ALMS1: variants seen among roughly 807,000 people sequenced by gnomAD.
ALMS1 encodes centrosome-associated protein ALMS1.
A neutral mutation model predicts 352.2 loss-of-function variants in ALMS1; 271 were observed. The observed-to-expected ratio is 0.77, with a 90% CI of 0.70 to 0.85. The LOEUF is 0.85. Among genes scored for constraint, ALMS1 ranks in the 40% least tolerant of loss-of-function variants. The pLI, the probability that ALMS1 is intolerant of heterozygous loss-of-function variation, is 0.00. For synonymous variants in ALMS1, 1,865 were observed against 1,761.2 expected, an observed-to-expected ratio of 1.06 and a Z score of -1.48; for missense variants, 5,445 against 4,870.7, an observed-to-expected ratio of 1.12 and a Z score of -3.51.
At chr2:73,545,766 C>T (rs538534952) in intron 12 of ALMS1, among the ~76,000 whole-genome samples, 1 of 152,242 alleles carries the variant, frequency 6.6e-6, no homozygotes, top group Non-Finnish European at 1.5e-5. Flanking sequence ...AATAAATATA[C>T]TTAACAAAAG....
At chr2:73,575,644 T>A (rs780738319) in intron 16 of ALMS1, among the ~76,000 whole-genome samples, 2 of 152,216 alleles carry the variant, frequency 1.3e-5, no homozygotes, top group Admixed American at 6.5e-5. Flanking sequence ...TCTTTTCAAG[T>A]CATTTGGCCA....
chr2:73,463,219 C>A (rs1047389017), intron 9 of ALMS1, among the ~76,000 whole-genome samples: 6 of 150,906 alleles, frequency 4.0e-5, no homozygotes, highest in Admixed American at 2.6e-4. Context: ...AAAGCACTCT[C>A]AGCAAATAGA....
Position 73,539,129 on chromosome 2 carries a change from C to T in ALMS1, c.9907+4180C>T, listed in dbSNP as rs181186475. ...CCCTGAGTAGCCTAACTGGGAGGCACCCCCCAGGAGGGGCAGACTGACACT... is the reference window on the plus strand; with the variant it reads ...CCCTGAGTAGCCTAACTGGGAGGCATCCCCCAGGAGGGGCAGACTGACACT... On this transcript the variant is annotated intron_variant, in intron 12 of 22. Transcript: ENST00000613296. 4.7e-4 allele frequency among the ~76,000 whole-genome samples: 71 copies of T among 152,246 alleles called. No homozygotes were observed. In the East Asian group the frequency reaches 6.0e-3, roughly 13 times the overall value.
At chr2:73,572,039 C>CA (rs1674939961) in intron 15 of ALMS1, among the ~76,000 whole-genome samples, 3 of 152,172 alleles carry the variant, frequency 2.0e-5, no homozygotes, top group South Asian at 4.1e-4. Flanking sequence ...CGGTCAGTGG[C>CA]AGAGCCCAGG....
chr2:73,432,791 C>A lies in ALMS1; in HGVS notation c.1432+500C>A, dbSNP rs544063786. On this transcript the variant is annotated intron_variant, in intron 7 of 22. Coordinates refer to ENST00000613296, the MANE Select transcript of ALMS1 (RefSeq NM_001378454.1). ...GGGGACACAAACATTCAGACCATCACAAGTCCCCTGATGTTTTATTAGAGG... is the reference window on the plus strand; with the variant it reads ...GGGGACACAAACATTCAGACCATCAAAAGTCCCCTGATGTTTTATTAGAGG... Among the ~76,000 whole-genome samples the A allele has an allele frequency of 2.6e-5, 4 of 152,296 alleles. No homozygotes were observed. The East Asian group carries it at 5.8e-4, about 22-fold the overall frequency.
rs541439828 is a variant in ALMS1, at chr2:73,479,954, A to G, written c.7675-9680A>G. Among the ~76,000 whole-genome samples, 6 of 151,854 alleles carry G rather than the reference A, an allele frequency of 4.0e-5. No individual in the cohort carries two copies. In the South Asian group the frequency reaches 1.2e-3, roughly 31 times the overall value. ...GTATCTTATTAAGTTTTTAATGTGT[A>G]TTTCCCTAATGGTTTTTGATGTTGC... On this transcript the variant is annotated intron_variant, in intron 9 of 22. Transcript: ENST00000613296.
intron 12 of ALMS1, among the ~76,000 whole-genome samples, chr2:73,540,715 G>T (rs184747681): frequency 1.8e-4 from 27 of 152,056 alleles, no homozygotes; most frequent in Admixed American, 1.5e-3. Flanking sequence ...AAAGGCAGGG[G>T]TTGCAATCCT....
intron 12 of ALMS1, among the ~76,000 whole-genome samples, chr2:73,544,825 T>G (rs911210199): frequency 6.6e-6 from 1 of 152,178 alleles, no homozygotes; most frequent in Non-Finnish European, 1.5e-5. Flanking sequence ...GATCTATGAA[T>G]GGATAACAAA....
At chr2:73,567,277 A>G (rs10198549) in intron 15 of ALMS1, among the ~76,000 whole-genome samples, 46,293 of 152,062 alleles carry the variant, frequency 0.3, 8,607 homozygotes, top group African/African-American at 0.53. Flanking sequence ...ACTCAAGTGC[A>G]ATCAGAAGTG....
intron 11 of ALMS1, among the ~76,000 whole-genome samples, chr2:73,527,346 T>C (rs369747933): frequency 3.4e-4 from 51 of 152,220 alleles, no homozygotes; most frequent in Non-Finnish European, 5.7e-4. Flanking sequence ...GTAGGATTAG[T>C]ATTAGTTCTT....
At chr2:73,463,825 C>G (rs1316605450) in intron 9 of ALMS1, among the ~76,000 whole-genome samples, 1 of 147,988 alleles carries the variant, frequency 6.8e-6, no homozygotes, top group African/African-American at 2.5e-5. Flanking sequence ...CACCTCTATG[C>G]AAATAAACTA....
chr2:73,563,742 AAAAAT>A (rs1297967365), intron 15 of ALMS1, among the ~76,000 whole-genome samples: 5,945 of 61,120 alleles, frequency 0.097, 424 homozygotes, highest in African/African-American at 0.23. Context: ...AAAAAAAAAT[AAAAAT>A]AAAAAATGAA....
chr2:73,501,072 T>C (rs1044099157), intron 10 of ALMS1, among the ~76,000 whole-genome samples: 2 of 152,172 alleles, frequency 1.3e-5, no homozygotes, highest in Non-Finnish European at 2.9e-5. Flanking sequence ...AATTTTAATT[T>C]GTATTTCCAT....
chr2:73,413,696 T>C (rs955437227), intron 2 of ALMS1, among the ~76,000 whole-genome samples: 3 of 152,246 alleles, frequency 2.0e-5, no homozygotes, highest in Admixed American at 1.3e-4. Context: ...CATTTATGTC[T>C]AAGATCCATT....
At chr2:73,464,987 G>A (rs577875913) in intron 9 of ALMS1, among the ~76,000 whole-genome samples, 4,603 of 150,058 alleles carry the variant, frequency 0.031, 79 homozygotes, top group Admixed American at 0.052. Flanking sequence ...TCATGGGTAG[G>A]AAGAATCAAT....
chr2:73,533,783 G>A (rs1673971351), intron 11 of ALMS1, among the ~76,000 whole-genome samples: 1 of 152,156 alleles, frequency 6.6e-6, no homozygotes, highest in Admixed American at 6.6e-5. Context: ...ACCTCTATTA[G>A]CAATTAATCA....
intron 2 of ALMS1, among the ~76,000 whole-genome samples, chr2:73,410,962 T>C (rs72810001): frequency 6.6e-6 from 1 of 152,148 alleles, no homozygotes; most frequent in Non-Finnish European, 1.5e-5. Flanking sequence ...GGCAAAGTAG[T>C]TAAGACAATC....
chr2:73,394,580 C>T (rs1003878705), intron 1 of ALMS1, among the ~76,000 whole-genome samples: 1 of 151,790 alleles, frequency 6.6e-6, no homozygotes, highest in South Asian at 2.1e-4. Context: ...GAACTCCTGA[C>T]TTCAAGTGAT....
intron 2 of ALMS1, among the ~76,000 whole-genome samples, chr2:73,415,442 C>A (rs1347015227): frequency 6.6e-6 from 1 of 151,912 alleles, no homozygotes; most frequent in South Asian, 2.1e-4. Flanking sequence ...GATAGGAAGG[C>A]CTTTGAGAGG....
Sources: gnomAD v4.1 joint callset for allele counts (sites outside exome capture counted in the v4.1 genomes callset) on GRCh38, gnomAD v4.1.1 for gene constraint, MANE v1.5 for transcripts, NCBI Gene and HGNC (gene_info 2026-07-23, HGNC 2026-07-21) for gene names.